Variants in HSD17B11 observed in about 807,000 individuals in gnomAD.
HSD17B11 encodes estradiol 17-beta-dehydrogenase 11.
A neutral mutation model predicts 27.8 loss-of-function variants in HSD17B11; 22 were observed. That is an observed-to-expected ratio of 0.79 (90% CI 0.56 to 1.13). HSD17B11 has a LOEUF of 1.13. Ranked by LOEUF, HSD17B11 falls within the 50% of genes most tolerant of loss-of-function variation. The probability of loss-of-function intolerance (pLI) is 0.00; values close to 1 mark genes in which losing one functional copy is unlikely to be tolerated. For synonymous variants in HSD17B11, 117 were observed against 132.8 expected, an observed-to-expected ratio of 0.88 and a Z score of 0.82; for missense variants, 314 against 351.1, an observed-to-expected ratio of 0.89 and a Z score of 0.84.
chr4:87,377,702 T>C (rs1425201779), intron 2 of HSD17B11, among the ~76,000 whole-genome samples: 2 of 152,110 alleles, frequency 1.3e-5, no homozygotes, highest in African/African-American at 2.4e-5. Flanking sequence ...CTTGGGCGGA[T>C]AGACCCTAGC....
chr4:87,358,413 C>A lies in HSD17B11; in HGVS notation c.558-997G>T, dbSNP rs371414328. The stretch of plus-strand genomic sequence containing the variant: ...CAAATGAATGAATCACAATGCAAAG[C>A]GTTTATTTTAACAGCTCTTTCATTT... On this transcript the variant is annotated intron_variant, in intron 4 of 6. Transcript: ENST00000358290. Among the ~76,000 whole-genome samples the A allele has an allele frequency of 1.1e-3, 174 of 152,142 alleles. 2 individuals are homozygous for A. In the South Asian group the frequency reaches 0.027, roughly 24 times the overall value.
intron 5 of HSD17B11, 67 bp downstream of exon 5, chr4:87,357,212 G>A (rs1735403992): frequency 5.9e-6 from 9 of 1,512,758 alleles, no homozygotes; most frequent in Middle Eastern, 2.2e-4. Context: ...AAACATTTAG[G>A]AAAACCCACA....
At chr4:87,357,787 C>T (rs937601045) in intron 4 of HSD17B11, among the ~76,000 whole-genome samples, 7 of 152,004 alleles carry the variant, frequency 4.6e-5, no homozygotes, top group Non-Finnish European at 1.5e-5. Context: ...TTGCTGAAAA[C>T]TTTTCCTGGA....
chr4:87,338,127 G>A (rs1276320568), intron 6 of HSD17B11, among the ~76,000 whole-genome samples: 5 of 152,206 alleles, frequency 3.3e-5, no homozygotes, highest in Admixed American at 3.3e-4. Flanking sequence ...TAAGGCAGAA[G>A]AATTGCTTGA....
At chr4:87,354,150 G>T (rs1291626036) in intron 5 of HSD17B11, among the ~76,000 whole-genome samples, 1 of 152,076 alleles carries the variant, frequency 6.6e-6, no homozygotes, top group African/African-American at 2.4e-5. Flanking sequence ...TCTTTGGACA[G>T]CTCCCAAATT....
At chr4:87,365,869 T>G (rs1400352528) in intron 4 of HSD17B11, 2 of 152,204 alleles carry the variant, frequency 1.3e-5, no homozygotes, top group Non-Finnish European at 2.9e-5. Context: ...GTGGAAGGTT[T>G]TTTTTAGATG....
intron 4 of HSD17B11, among the ~76,000 whole-genome samples, chr4:87,363,527 C>G (rs980350884): frequency 6.6e-6 from 1 of 152,138 alleles, no homozygotes; most frequent in African/African-American, 2.4e-5. Context: ...CTGAAACAAA[C>G]AAAAAACCCG....
At chr4:87,389,203 T>G (rs1173351105) in intron 1 of HSD17B11, among the ~76,000 whole-genome samples, 1 of 152,066 alleles carries the variant, frequency 6.6e-6, no homozygotes, top group African/African-American at 2.4e-5. Context: ...ATTACTTTTT[T>G]ATTTATTAAT....
chr4:87,367,656 T>C (rs751441620), intron 4 of HSD17B11, among the ~76,000 whole-genome samples: 1 of 152,250 alleles, frequency 6.6e-6, no homozygotes, highest in Non-Finnish European at 1.5e-5. Flanking sequence ...AACTATAGTA[T>C]ACTTGTTATT....
At chr4:87,376,849 G>A (rs931714383) in intron 2 of HSD17B11, among the ~76,000 whole-genome samples, 3 of 152,162 alleles carry the variant, frequency 2.0e-5, no homozygotes, top group African/African-American at 7.2e-5. Flanking sequence ...CTATTTGTAG[G>A]CTGGGCACGG....
intron 4 of HSD17B11, among the ~76,000 whole-genome samples, chr4:87,360,982 C>A (rs1281805046): frequency 6.6e-6 from 1 of 152,062 alleles, no homozygotes; most frequent in Non-Finnish European, 1.5e-5. Context: ...TTAAAATATC[C>A]TTAAAAATTA....
At chr4:87,362,328 C>T (rs1735532472) in intron 4 of HSD17B11, among the ~76,000 whole-genome samples, 2 of 152,186 alleles carry the variant, frequency 1.3e-5, no homozygotes, top group African/African-American at 4.8e-5. Flanking sequence ...GAGTTCGAGA[C>T]CAGCTTGGCC....
chr4:87,382,158 CTCAGGTACTTCATCTATA>C, intron 2 of HSD17B11, 79 bp downstream of exon 2: 1 of 863,270 alleles, frequency 1.2e-6, no homozygotes, highest in Non-Finnish European at 1.9e-6. Context: ...AACAACATTT[CTCAGGTACTTCATCTATA>C]TCATGTACAG....
At chr4:87,387,263 G>T (rs11097148) in intron 1 of HSD17B11, 111,434 of 152,148 alleles carry the variant, frequency 0.73, 41,446 homozygotes, top group East Asian at 1. Flanking sequence ...CCATTATCAG[G>T]CTTAGTGGAA....
At chr4:87,385,169 C>T (rs1209283711) in intron 1 of HSD17B11, among the ~76,000 whole-genome samples, 1 of 152,114 alleles carries the variant, frequency 6.6e-6, no homozygotes, top group East Asian at 1.9e-4. Flanking sequence ...TTTTGCTCTC[C>T]TATACTTAAC....
At chr4:87,383,887 C>T (rs1324661234) in intron 1 of HSD17B11, among the ~76,000 whole-genome samples, 1 of 151,628 alleles carries the variant, frequency 6.6e-6, no homozygotes, top group Non-Finnish European at 1.5e-5. Flanking sequence ...ACAAAAACTG[C>T]AATTACTTTT....
chr4:87,339,713 A>G (rs2110111513), intron 6 of HSD17B11, among the ~76,000 whole-genome samples: 1 of 152,316 alleles, frequency 6.6e-6, no homozygotes, highest in East Asian at 1.9e-4. Context: ...GTGGTTTCCA[A>G]TCTTGGCTGG....
At chr4:87,363,330 C>T (rs1735551958) in intron 4 of HSD17B11, among the ~76,000 whole-genome samples, 1 of 152,186 alleles carries the variant, frequency 6.6e-6, no homozygotes, top group Non-Finnish European at 1.5e-5. Flanking sequence ...TTTATCACCT[C>T]TGTAAAGACT....
intron 1 of HSD17B11, among the ~76,000 whole-genome samples, chr4:87,387,654 T>G (rs1276832378): frequency 6.6e-6 from 1 of 152,216 alleles, no homozygotes; most frequent in Middle Eastern, 3.2e-3. Flanking sequence ...GCCAAACTTT[T>G]GGCCAAATAA....
Sources: gnomAD v4.1 joint callset for allele counts (sites outside exome capture counted in the v4.1 genomes callset) on GRCh38, gnomAD v4.1.1 for gene constraint, MANE v1.5 for transcripts, NCBI Gene and HGNC (gene_info 2026-07-23, HGNC 2026-07-21) for gene names.